The following PKD1 variants were observed in gnomAD, a reference collection of about 807,000 sequenced individuals.
PKD1 encodes polycystin-1.
Under a neutral mutation model 361.7 loss-of-function variants are expected in PKD1, and 81 were observed. The ratio of observed to expected loss-of-function variants is 0.22; its 90% CI spans 0.19 to 0.27. The LOEUF (loss-of-function observed/expected upper bound fraction) is 0.27. Ranked by LOEUF, PKD1 falls within the 10% of genes least tolerant of loss-of-function variation. PKD1 has a pLI of 1.00. For missense variants in PKD1, 6,399 were observed against 6,118.3 expected, an observed-to-expected ratio of 1.05 and a Z score of -1.53; for synonymous variants, 3,615 against 2,818.3, an observed-to-expected ratio of 1.28 and a Z score of -8.95.
At position 2,103,688 on chromosome 16, in the gene PKD1, G is replaced by T. The variant is rs769345341; in HGVS notation, c.8369C>A (p.Pro2790Gln). 1 of 1,610,032 alleles carries T rather than the reference G, an allele frequency of 6.2e-7. No individual in the cohort carries two copies. Among genetic ancestry groups the T allele is most frequent in the Non-Finnish European group, 8.5e-7 (1 of 1,179,498 alleles). ...GCCGCCATAGCACAGCAGGCTCCGC[G>T]GGTCCGAGCGCTTGCCCTGGGCCAC... ...EIVAQGKRSDPRSLLCYGGAP... is the reference protein window; with the variant it reads ...EIVAQGKRSDQRSLLCYGGAP... The change falls in exon 23 of 46, where the codon CCG becomes CAG. Residue 2790 changes from proline to glutamine, a missense_variant. By Grantham distance (76) the Pro-to-Gln change is moderately conservative (BLOSUM62 -1). Transcript: ENST00000262304.
rs767271297 is a variant in PKD1 at position 2,114,847 on chromosome 16, G to A, written c.2176C>T (p.Leu726Phe). The change falls in exon 11 of 46, where the codon CTC becomes TTC. Residue 726 changes from leucine (L) to phenylalanine (F), a missense_variant. Physicochemically the swap from Leu to Phe is conservative, Grantham distance 22. Coordinates refer to ENST00000262304, the MANE Select transcript of PKD1 (RefSeq NM_001009944.3). The stretch of plus-strand genomic sequence containing the variant: ...CCGGGAGCCGGCGAGCAGTGCAGGA[G>A]GGCGCCAGGGCCAGCGTCGTGCTGC... ...GLQHDAGPGA[L>F]LHCSPAPGHP... 1.8e-5 allele frequency: 27 copies of A among 1,469,808 alleles called. No homozygotes were observed. Among genetic ancestry groups the A allele is most frequent in the Non-Finnish European group, 5.5e-6 (6 of 1,088,998 alleles). 91.0% of individuals were successfully genotyped at this position (1,469,808 alleles called of 1,614,324 possible).
At position 2,106,517 on chromosome 16, in the gene PKD1, T is replaced by C. The variant is rs760155946; in HGVS notation, c.7370A>G (p.Glu2457Gly). The C allele has an allele frequency of 1.3e-6, 2 of 1,595,692 alleles. No individual in the cohort carries two copies. Among genetic ancestry groups the C allele is most frequent in the Non-Finnish European group, 1.7e-6 (2 of 1,178,786 alleles). The change falls in exon 18 of 46, where the codon GAG (glutamate) becomes GGG (glycine). Residue 2457 changes from glutamate (E) to glycine (G), a missense_variant. By Grantham distance (98) the Glu-to-Gly change is moderately conservative. Coordinates refer to ENST00000262304, the MANE Select transcript of PKD1 (RefSeq NM_001009944.3). This position sits in a 1 kb window ranked among gnomAD's most constrained non-coding sequence, Gnocchi z 6.5. ...TLTVLGRSGE[E>G]EGCASIRLSP... Reference sequence around the variant, plus strand: ...CAGGCGGATGGAGGCGCAGCCCTCCTCCTCGCCAGAGCGGCCCAGCACCGT... The same window carrying C: ...CAGGCGGATGGAGGCGCAGCCCTCCCCCTCGCCAGAGCGGCCCAGCACCGT...
In PKD1 at chr16:2,109,621, C is replaced by T. The variant is rs780305152; in HGVS notation, c.5546G>A (p.Gly1849Asp). The T allele has an allele frequency of 9.3e-6, 15 of 1,608,104 alleles. No individual in the cohort carries two copies. In the East Asian group the frequency reaches 2.2e-4, roughly 24 times the overall value. Residue 1849 changes from glycine to aspartate, a missense_variant, in exon 15 of 46, where the codon GGC becomes GAC. By Grantham distance (94) the Gly-to-Asp change is moderately conservative (BLOSUM62 -1). Coordinates refer to ENST00000262304, the MANE Select transcript of PKD1 (RefSeq NM_001009944.3). ...CGGGAAGACCATGGTGACATGAGGG[C>T]CACGCTTGCTGCTGCCGCCGGGCAC... The part of the protein sequence containing the change: ...WAVPGGSSKR[G>D]PHVTMVFPDA...
At chr16:2,099,100 G>A (rs2091977727) in intron 30 of PKD1, 1 of 233,650 alleles carries the variant, frequency 4.3e-6, no homozygotes, top group East Asian at 1.1e-4. Flanking sequence ...CCAAAGTGCT[G>A]GGATTACAGG....
chr16:2,097,705 C>T (rs372734550), intron 32 of PKD1, 23 bp downstream of exon 32: 180 of 1,610,908 alleles, frequency 1.1e-4, no homozygotes, highest in Admixed American at 5.5e-4. Context: ...CACCAGGGCT[C>T]GAGGTTTCTC....
rs2092066987 is a variant in PKD1 at position 2,100,848 on chromosome 16, C to T, written c.9398-282G>A. On this transcript the variant is annotated intron_variant, in intron 26 of 45. Coordinates refer to ENST00000262304, the MANE Select transcript of PKD1 (RefSeq NM_001009944.3). This position sits in a 1 kb window ranked among gnomAD's most constrained non-coding sequence, Gnocchi z 4.4. Reference sequence around the variant, plus strand: ...AGTCCACACCACAACCAGTGACCCGCACTGCACACCTGTCCACGCCTCAGT... The same window carrying T: ...AGTCCACACCACAACCAGTGACCCGTACTGCACACCTGTCCACGCCTCAGT... The T allele has an allele frequency of 1.9e-6, 1 of 513,988 alleles. No individual in the cohort carries two copies. The highest frequency in any genetic ancestry group is 1.9e-5 in the African/African-American group (1 of 51,814). The allele number at this position is 513,988 out of a possible 1,614,324, so 31.8% of individuals were successfully genotyped here.
rs772073672 is a variant in PKD1 at position 2,108,449 on chromosome 16, G to C, written c.6718C>G (p.Pro2240Ala). ...FVFVVSFGDT[P>A]LTQSIQANVT... ...TTGGCCTGGATGCTCTGTGTCAGTG[G>C]CGTGTCCCCAAATGACACGACAAAC... Residue 2240 changes from proline (P) to alanine (A), a missense_variant, in exon 15 of 46, where the codon CCA (proline) becomes GCA (alanine). Physicochemically the swap from Pro to Ala is conservative, Grantham distance 27. Coordinates refer to ENST00000262304, the MANE Select transcript of PKD1 (RefSeq NM_001009944.3). The C allele has an allele frequency of 1.2e-6, 2 of 1,610,278 alleles. No individual in the cohort carries two copies. The highest frequency in any genetic ancestry group is 2.7e-5 in the African/African-American group (2 of 74,850).
rs1354849294 is a variant in PKD1 at position 2,114,660 on chromosome 16, G to A, written c.2363C>T (p.Pro788Leu). Reference sequence around the variant, plus strand: ...ATAGCGCCCAGGCAGCCGCAGTCCAGGGTTGGGCCTCAAGCCCAGCAGCAC... The same window carrying A: ...ATAGCGCCCAGGCAGCCGCAGTCCAAGGTTGGGCCTCAAGCCCAGCAGCAC... ...LTVLLGLRPNPGLRLPGRYEV... is the reference protein window; with the variant it reads ...LTVLLGLRPNLGLRLPGRYEV... The change falls in exon 11 of 46, where the codon CCT (proline) becomes CTT (leucine). Residue 788 changes from proline (P) to leucine (L), a missense_variant. Coordinates refer to ENST00000262304, the MANE Select transcript of PKD1 (RefSeq NM_001009944.3). 3.2e-6 allele frequency: 5 copies of A among 1,551,908 alleles called. No individual in the cohort carries two copies. The highest frequency in any genetic ancestry group is 1.9e-5 in the Admixed American group (1 of 52,972).
Position 2,111,216 on chromosome 16 carries a change from G to A in PKD1, c.3951C>T (p.Val1317=). 4 of 1,611,324 alleles carry A rather than the reference G, an allele frequency of 2.5e-6. No homozygotes were observed. The highest frequency in any genetic ancestry group is 1.1e-5 in the South Asian group (1 of 91,022). Residue 1317 remains valine, a synonymous_variant, in exon 15 of 46, where the codon GTC becomes GTT. Transcript: ENST00000262304. ...TQPDARLTAY[V]TGNPAHYLFD... Reference sequence around the variant, plus strand: ...AGAGGTAGTGGGCCGGGTTCCCGGTGACGTAGGCCGTGAGCCGCGCGTCAG... The same window carrying A: ...AGAGGTAGTGGGCCGGGTTCCCGGTAACGTAGGCCGTGAGCCGCGCGTCAG...
intron 34 of PKD1, among the ~76,000 whole-genome samples, chr16:2,096,281 T>C (rs12926737): frequency 0.31 from 46,563 of 152,134 alleles, 10,569 homozygotes; most frequent in African/African-American, 0.64. Context: ...GCACCTGCAC[T>C]GCATGCCACT....
At chr16:2,092,244 G>C (rs555519279) in intron 39 of PKD1, 56 bp from the exon 40 acceptor site, 5 of 1,526,466 alleles carry the variant, frequency 3.3e-6, no homozygotes, top group African/African-American at 1.4e-5. Context: ...CCCAACAGGA[G>C]TGTTTCCTGC....
In PKD1 at chr16:2,118,010, G is replaced by A; in HGVS notation, c.982C>T (p.Pro328Ser). ...ACGGCCGTCACGTGATAGCGCCCAGGCAGCACATAGCGATGCGAGGCAGCC... is the reference window on the plus strand; with the variant it reads ...ACGGCCGTCACGTGATAGCGCCCAGACAGCACATAGCGATGCGAGGCAGCC... ...GPAASHRYVLPGRYHVTAVLA... is the reference protein window; with the variant it reads ...GPAASHRYVLSGRYHVTAVLA... The change falls in exon 5 of 46, where the codon CCT becomes TCT. Residue 328 changes from proline (P) to serine (S), a missense_variant. Pro to Ser is a moderately conservative substitution (Grantham distance 74). Transcript: ENST00000262304. The surrounding 1 kb of genome is among the most constrained non-coding windows in gnomAD (Gnocchi z 6.0). 6.3e-7 allele frequency: 1 copy of A among 1,590,916 alleles called. No homozygotes were observed. The highest frequency in any genetic ancestry group is 8.5e-7 in the Non-Finnish European group (1 of 1,173,214).
At position 2,090,306 on chromosome 16, in the gene PKD1, C is replaced by T; in HGVS notation, c.12423G>A (p.Met4141Ile). 2 of 1,610,864 alleles carry T rather than the reference C, an allele frequency of 1.2e-6. No individual in the cohort carries two copies. Among genetic ancestry groups the T allele is most frequent in the Non-Finnish European group, 8.5e-7 (1 of 1,178,706 alleles). ...ELFLRRLRLW[M>I]GLSKVKEFRH... ...CCACCTCCTTGACCTTGCTGAGGCCCATCCAGAGGCGCAGCCTGCGCAGGA... is the reference window on the plus strand; with the variant it reads ...CCACCTCCTTGACCTTGCTGAGGCCTATCCAGAGGCGCAGCCTGCGCAGGA... Residue 4141 changes from methionine to isoleucine, a missense_variant, in exon 45 of 46, where the codon ATG becomes ATA. Met to Ile is a conservative substitution (Grantham distance 10, BLOSUM62 1). Transcript: ENST00000262304.
chr16:2,130,871 G>A (rs1412292140), intron 1 of PKD1, among the ~76,000 whole-genome samples: 1 of 152,134 alleles, frequency 6.6e-6, no homozygotes, highest in Non-Finnish European at 1.5e-5. Context: ...CAAGTCCCTC[G>A]ATGTGCCCAG....
intron 9 of PKD1, 73 bp from the exon 10 acceptor site, chr16:2,115,698 C>G: frequency 7.0e-7 from 1 of 1,427,010 alleles, no homozygotes; most frequent in South Asian, 1.2e-5. Context: ...ACTGCCTGCA[C>G]CAGCAATCCT....
chr16:2,119,994 C>G, intron 1 of PKD1: 1 of 595,762 alleles, frequency 1.7e-6, no homozygotes. Flanking sequence ...GAAGGATCGC[C>G]TGGGCCCAGG....
chr16:2,103,823 G>C lies in PKD1; in HGVS notation c.8234C>G (p.Ser2745Cys). The change falls in exon 23 of 46, where the codon TCT (serine) becomes TGT (cysteine). Residue 2745 changes from serine to cysteine, a missense_variant. Transcript: ENST00000262304. ...QPSELGAESP[S>C]RMVASQAYNL... The stretch of plus-strand genomic sequence containing the variant: ...GTAGGCCTGGGACGCCACCATCCGA[G>C]ATGGTGACTCGGCTCCCAGCTCTGA... The C allele has an allele frequency of 6.2e-7, 1 of 1,608,876 alleles. No individual in the cohort carries two copies. Among genetic ancestry groups the C allele is most frequent in the Non-Finnish European group, 8.5e-7 (1 of 1,179,280 alleles).
At position 2,111,891 on chromosome 16, in the gene PKD1, T is replaced by G. The variant is rs2092516718; in HGVS notation, c.3296-20A>C. ...ACTCACCTGTGGGGACAGGCCCGAGTGGGGCAGCCGCGGCACCCCCACCTG... is the reference window on the plus strand; with the variant it reads ...ACTCACCTGTGGGGACAGGCCCGAGGGGGGCAGCCGCGGCACCCCCACCTG... On this transcript the variant is annotated intron_variant, in intron 14 of 45. Transcript: ENST00000262304. 12 of 1,609,250 alleles carry G rather than the reference T, an allele frequency of 7.5e-6. No individual in the cohort carries two copies. The highest frequency in any genetic ancestry group is 1.0e-5 in the Non-Finnish European group (12 of 1,179,146).
chr16:2,110,460 G>A lies in PKD1; in HGVS notation c.4707C>T (p.Ser1569=), dbSNP rs758670556. 18 of 1,612,420 alleles carry A rather than the reference G, an allele frequency of 1.1e-5. No individual in the cohort carries two copies. Among genetic ancestry groups the A allele is most frequent in the Non-Finnish European group, 5.9e-6 (7 of 1,179,864 alleles). ...VVPLNGSVSF[S]TSLEAGSDVR... Reference sequence around the variant, plus strand: ...CATCACTGCCGGCCTCCAGCGACGTGCTGAAGCTCACGCTCCCATTCAGGG... The same window carrying A: ...CATCACTGCCGGCCTCCAGCGACGTACTGAAGCTCACGCTCCCATTCAGGG... Residue 1569 remains serine (S), a synonymous_variant, in exon 15 of 46, where the codon AGC becomes AGT. Transcript: ENST00000262304.
Sources: allele counts gnomAD v4.1 joint callset (sites outside exome capture counted in the v4.1 genomes callset), GRCh38; gene constraint gnomAD v4.1.1; non-coding constraint Gnocchi (gnomAD v3.1); transcripts MANE v1.5; gene names NCBI Gene and HGNC (gene_info 2026-07-23, HGNC 2026-07-21).